The following PCDH15 variants were observed in gnomAD, a reference collection of about 807,000 sequenced individuals.
PCDH15 encodes protocadherin-15.
In PCDH15, 129 loss-of-function variants were observed where a neutral mutation model predicts 178.5. The observed-to-expected ratio is 0.72, with a 90% CI of 0.63 to 0.84. The LOEUF is 0.84. Ranked by LOEUF, PCDH15 falls within the 40% of genes least tolerant of loss-of-function variation. The probability of loss-of-function intolerance (pLI) is 0.00; values close to 1 mark genes in which losing one functional copy is unlikely to be tolerated. For synonymous variants in PCDH15, 800 were observed against 732.0 expected, an observed-to-expected ratio of 1.09 and a Z score of -1.50; for missense variants, 2,230 against 2,099.9, an observed-to-expected ratio of 1.06 and a Z score of -1.21.
chr10:54,213,194 T>C, intron 10 of PCDH15, among the ~76,000 whole-genome samples: 1 of 152,190 alleles, frequency 6.6e-6, no homozygotes, highest in East Asian at 1.9e-4. Flanking sequence ...GTACTTACAA[T>C]GCCCTTTTCC....
chr10:54,626,141 G>T (rs749604971), intron 2 of PCDH15, among the ~76,000 whole-genome samples: 50 of 152,184 alleles, frequency 3.3e-4, no homozygotes, highest in Non-Finnish European at 7.3e-5. Context: ...CATTTAAGAG[G>T]TGATTTGGGT....
At chr10:54,308,295 G>A (rs2060676812) in intron 8 of PCDH15, among the ~76,000 whole-genome samples, 1 of 152,000 alleles carries the variant, frequency 6.6e-6, no homozygotes, top group African/African-American at 2.4e-5. Flanking sequence ...GAAAAAAATA[G>A]CTCAAAGGTT....
At chr10:55,190,155 A>G (rs961596082) in intron 1 of PCDH15, among the ~76,000 whole-genome samples, 6 of 151,808 alleles carry the variant, frequency 4.0e-5, no homozygotes, top group African/African-American at 1.4e-4. Flanking sequence ...GATAATACAT[A>G]CTTCATGATT....
chr10:54,417,828 C>T (rs1386761132), intron 3 of PCDH15, among the ~76,000 whole-genome samples: 1 of 152,140 alleles, frequency 6.6e-6, no homozygotes, highest in African/African-American at 2.4e-5. Flanking sequence ...GACTGTATTA[C>T]ATTTCAATAT....
At chr10:54,949,167 G>A (rs181117207) in intron 2 of PCDH15, among the ~76,000 whole-genome samples, 2 of 151,916 alleles carry the variant, frequency 1.3e-5, no homozygotes, top group East Asian at 3.9e-4. Flanking sequence ...TTTTCACACT[G>A]CTATAAAGAA....
intron 13 of PCDH15, among the ~76,000 whole-genome samples, chr10:54,177,010 A>C (rs947190167): frequency 6.6e-6 from 1 of 152,186 alleles, no homozygotes; most frequent in Non-Finnish European, 1.5e-5. Flanking sequence ...TAATGGCCAA[A>C]ACTTGAAAGC....
intron 2 of PCDH15, among the ~76,000 whole-genome samples, chr10:55,539,563 G>C (rs1841709599): frequency 6.6e-6 from 1 of 151,994 alleles, no homozygotes; most frequent in Non-Finnish European, 1.5e-5. Flanking sequence ...GTAATTCATA[G>C]AACTCCAATA....
chr10:54,123,394 C>A (rs572338145), intron 15 of PCDH15, among the ~76,000 whole-genome samples: 3 of 151,968 alleles, frequency 2.0e-5, no homozygotes, highest in African/African-American at 7.2e-5. Context: ...GAAAGGGATA[C>A]AAGTAGCCAA....
intron 3 of PCDH15, among the ~76,000 whole-genome samples, chr10:54,845,948 AT>A (rs1953501783): frequency 1.3e-5 from 2 of 152,258 alleles, no homozygotes; most frequent in South Asian, 2.1e-4. Context: ...CCAGAAATGT[AT>A]TTTTTAATCT....
At chr10:55,558,234 G>A (rs896142724) in intron 2 of PCDH15, among the ~76,000 whole-genome samples, 2 of 152,184 alleles carry the variant, frequency 1.3e-5, no homozygotes, top group East Asian at 1.9e-4. Flanking sequence ...AGAAACAAAC[G>A]CTGGACACCT....
At chr10:54,754,968 G>T (rs12049755) in intron 1 of PCDH15, among the ~76,000 whole-genome samples, 97,397 of 101,074 alleles carry the variant, frequency 0.96, 46,860 homozygotes, top group Middle Eastern at 0.99. Flanking sequence ...TTTTTTTTTG[G>T]GAGACAGACT....
At chr10:55,279,474 C>T (rs1454229062) in intron 1 of PCDH15, among the ~76,000 whole-genome samples, 1 of 152,140 alleles carries the variant, frequency 6.6e-6, no homozygotes, top group African/African-American at 2.4e-5. Context: ...GGATTGCTTA[C>T]ATGTCTTCTG....
chr10:54,793,557 A>G (rs1457350551), intron 1 of PCDH15, among the ~76,000 whole-genome samples: 3 of 151,738 alleles, frequency 2.0e-5, no homozygotes, highest in South Asian at 2.1e-4. Context: ...AAGCTGAAAA[A>G]GGCATGAATT....
chr10:54,016,745 G>T (rs965546374), intron 20 of PCDH15, among the ~76,000 whole-genome samples: 1 of 152,172 alleles, frequency 6.6e-6, no homozygotes, highest in Non-Finnish European at 1.5e-5. Flanking sequence ...TGGACAGATG[G>T]AGGAGAGTGA....
At chr10:54,164,315 C>T (rs1055004061) in intron 13 of PCDH15, among the ~76,000 whole-genome samples, 5 of 152,088 alleles carry the variant, frequency 3.3e-5, no homozygotes, top group African/African-American at 4.8e-5. Context: ...TCAGCTCTAT[C>T]GTGTGATAAG....
chr10:54,025,122 T>C (rs1375534092), intron 18 of PCDH15, among the ~76,000 whole-genome samples: 1 of 152,218 alleles, frequency 6.6e-6, no homozygotes, highest in Non-Finnish European at 1.5e-5. Flanking sequence ...ATTTGACTGA[T>C]GTGGCTGTGT....
At chr10:55,135,670 C>A (rs1445296660) in intron 2 of PCDH15, among the ~76,000 whole-genome samples, 1 of 147,702 alleles carries the variant, frequency 6.8e-6, no homozygotes, top group Non-Finnish European at 1.5e-5. Flanking sequence ...GCAACCTCCA[C>A]CTCCCAGGTT....
intron 21 of PCDH15, among the ~76,000 whole-genome samples, chr10:53,976,696 T>A (rs1296093976): frequency 1.3e-5 from 2 of 151,852 alleles, no homozygotes; most frequent in Non-Finnish European, 1.5e-5. Flanking sequence ...TCGAGTAGAT[T>A]TTTTTTGTGA....
At chr10:55,164,067 T>TC in intron 2 of PCDH15, among the ~76,000 whole-genome samples, 2 of 152,246 alleles carry the variant, frequency 1.3e-5, no homozygotes, top group Admixed American at 1.3e-4. Context: ...CCAGAGGCCT[T>TC]CCTGTTGTCA....
Sources: allele counts gnomAD v4.1 joint callset (sites outside exome capture counted in the v4.1 genomes callset), GRCh38; gene constraint gnomAD v4.1.1; transcripts MANE v1.5; gene names NCBI Gene and HGNC (gene_info 2026-07-23, HGNC 2026-07-21).